KIF6: variants seen among roughly 807,000 people sequenced by gnomAD.
The protein encoded by KIF6 is kinesin-like protein KIF6.
In KIF6, 106 loss-of-function variants were observed where a neutral mutation model predicts 112.7. The ratio of observed to expected loss-of-function variants is 0.94; its 90% CI spans 0.80 to 1.11. KIF6 has a LOEUF of 1.11. Ranked by LOEUF, KIF6 falls within the 50% of genes least tolerant of loss-of-function variation. The pLI, the probability that KIF6 is intolerant of heterozygous loss-of-function variation, is 0.00. For missense variants in KIF6, 929 were observed against 964.0 expected, an observed-to-expected ratio of 0.96 and a Z score of 0.48; for synonymous variants, 339 against 339.9, an observed-to-expected ratio of 1.00 and a Z score of 0.03.
At chr6:39,511,125 C>T (rs749257899) in intron 13 of KIF6, among the ~76,000 whole-genome samples, 1 of 152,132 alleles carries the variant, frequency 6.6e-6, no homozygotes, top group Non-Finnish European at 1.5e-5. Context: ...GAGACTTTAA[C>T]ACCCCACTGT....
In KIF6 at chr6:39,723,587, G is replaced by A. The variant is rs184425985; in HGVS notation, c.66+1658C>T. 4.6e-5 allele frequency among the ~76,000 whole-genome samples: 7 copies of A among 152,218 alleles called. No individual in the cohort carries two copies. In the East Asian group the frequency reaches 7.7e-4, roughly 17 times the overall value. On this transcript the variant is annotated intron_variant, in intron 1 of 22. Coordinates refer to ENST00000287152, the MANE Select transcript of KIF6 (RefSeq NM_145027.6). ...CCATAAAAAAGGATGAGTTCATGTC[G>A]TTTGCAGGGACATGGATGAAGCTGG... is the stretch of plus-strand genomic sequence containing the variant.
Position 39,333,327 on chromosome 6 carries a change from C to A in KIF6, c.*3205G>T, listed in dbSNP as rs1237561917. On this transcript the variant is annotated 3_prime_UTR_variant, in exon 23 of 23. Transcript: ENST00000287152. ...ATGCTATATAACAAACCACTCTAAA[C>A]CTCAGTGGTTTATGACAAGCAGCAT... 2 of 152,212 alleles carry A rather than the reference C, an allele frequency of 1.3e-5. No homozygotes were observed. Among genetic ancestry groups the A allele is most frequent in the Non-Finnish European group, 2.9e-5 (2 of 68,042 alleles). The allele number at this position is 152,212 out of a possible 1,614,324, so 9.4% of individuals were successfully genotyped here.
intron 13 of KIF6, among the ~76,000 whole-genome samples, chr6:39,529,283 C>T (rs1777910728): frequency 6.6e-6 from 1 of 151,988 alleles, no homozygotes; most frequent in South Asian, 2.1e-4. Context: ...AAAGTGTAGG[C>T]AACAAAGGCA....
chr6:39,432,742 C>A (rs1007700908), intron 13 of KIF6, among the ~76,000 whole-genome samples: 2 of 152,204 alleles, frequency 1.3e-5, no homozygotes, highest in African/African-American at 4.8e-5. Flanking sequence ...TAGGAGCCAG[C>A]GGATTCATTC....
intron 4 of KIF6, among the ~76,000 whole-genome samples, chr6:39,635,518 A>G (rs1784580302): frequency 6.6e-6 from 1 of 152,106 alleles, no homozygotes; most frequent in African/African-American, 2.4e-5. Flanking sequence ...GTATGAGTGG[A>G]CATTAATAGT....
chr6:39,611,064 G>A (rs1783187735), intron 6 of KIF6, among the ~76,000 whole-genome samples: 4 of 152,330 alleles, frequency 2.6e-5, no homozygotes, highest in African/African-American at 4.8e-5. Flanking sequence ...TCCAGCATTT[G>A]GGAGGCTGAG....
chr6:39,369,216 T>C (rs1765785612), intron 16 of KIF6, among the ~76,000 whole-genome samples: 1 of 152,202 alleles, frequency 6.6e-6, no homozygotes, highest in Non-Finnish European at 1.5e-5. Flanking sequence ...TACTGTCAGC[T>C]GGAGCCGTCA....
intron 19 of KIF6, among the ~76,000 whole-genome samples, chr6:39,356,118 C>T (rs1764663054): frequency 6.6e-6 from 1 of 151,896 alleles, no homozygotes; most frequent in African/African-American, 2.4e-5. Context: ...CAATTTGAGG[C>T]ATGCTAGTCA....
chr6:39,520,758 G>A (rs1485195062), intron 13 of KIF6, among the ~76,000 whole-genome samples: 3 of 152,204 alleles, frequency 2.0e-5, no homozygotes, highest in Non-Finnish European at 4.4e-5. Context: ...CTTCACATAT[G>A]CACAGTGGAA....
At chr6:39,485,544 G>A (rs1353300154) in intron 13 of KIF6, among the ~76,000 whole-genome samples, 3 of 152,054 alleles carry the variant, frequency 2.0e-5, no homozygotes, top group Admixed American at 2.0e-4. Flanking sequence ...CACATAGTAG[G>A]CCAGGAATCC....
chr6:39,432,410 C>T (rs1030497743), intron 13 of KIF6, among the ~76,000 whole-genome samples: 9 of 152,182 alleles, frequency 5.9e-5, no homozygotes, highest in South Asian at 4.1e-4. Flanking sequence ...CCACATACCA[C>T]GTCTCCTCTT....
At chr6:39,454,285 A>G (rs960139340) in intron 13 of KIF6, among the ~76,000 whole-genome samples, 10 of 152,160 alleles carry the variant, frequency 6.6e-5, no homozygotes, top group African/African-American at 2.4e-4. Flanking sequence ...AAGAAATGGA[A>G]AAGATGAAAG....
chr6:39,534,402 C>T (rs984966677), intron 13 of KIF6, among the ~76,000 whole-genome samples: 9 of 147,950 alleles, frequency 6.1e-5, no homozygotes, highest in African/African-American at 2.3e-4. Flanking sequence ...GGCTCCAGAA[C>T]TACATGAAGA....
At chr6:39,468,361 T>C (rs1773920331) in intron 13 of KIF6, among the ~76,000 whole-genome samples, 1 of 152,160 alleles carries the variant, frequency 6.6e-6, no homozygotes, top group Non-Finnish European at 1.5e-5. Context: ...TATTAGGTTA[T>C]AGATCCAAGA....
intron 10 of KIF6, among the ~76,000 whole-genome samples, chr6:39,566,666 T>A (rs1780296335): frequency 6.6e-6 from 1 of 152,194 alleles, no homozygotes; most frequent in Admixed American, 6.5e-5. Context: ...CAAATGTTAA[T>A]GATGAAAATA....
At chr6:39,406,791 C>A (rs1769118675) in intron 15 of KIF6, among the ~76,000 whole-genome samples, 1 of 152,202 alleles carries the variant, frequency 6.6e-6, no homozygotes, top group Non-Finnish European at 1.5e-5. Flanking sequence ...CTCTCTTACC[C>A]AGGCTGGAAT....
chr6:39,381,997 G>T (rs893234440), intron 16 of KIF6, among the ~76,000 whole-genome samples: 1 of 152,156 alleles, frequency 6.6e-6, no homozygotes, highest in Non-Finnish European at 1.5e-5. Flanking sequence ...CCCAGGAAGT[G>T]TCTGCCCCAG....
In KIF6 at chr6:39,343,971, G is replaced by C. The variant is rs926898315; in HGVS notation, c.2322-156C>G. Among the ~76,000 whole-genome samples the C allele has an allele frequency of 1.3e-5, 2 of 152,162 alleles. No homozygotes were observed. Among genetic ancestry groups the C allele is most frequent in the Middle Eastern group, 3.2e-3 (1 of 316 alleles). The stretch of plus-strand genomic sequence containing the variant: ...TCACTCCCTCCTACCTTCTCTGTGT[G>C]GCAGCCACACTAAGCCTCTTGTCAT... On this transcript the variant is annotated intron_variant, in intron 21 of 22. Transcript: ENST00000287152. The surrounding 1 kb of genome is among the most constrained non-coding windows in gnomAD (Gnocchi z 4.1).
intron 13 of KIF6, among the ~76,000 whole-genome samples, chr6:39,481,196 A>G (rs974223157): frequency 3.9e-5 from 6 of 152,168 alleles, no homozygotes; most frequent in African/African-American, 1.2e-4. Context: ...GGTTGTATAA[A>G]GAAGCTCCAG....
Sources: gnomAD v4.1 joint callset for allele counts (sites outside exome capture counted in the v4.1 genomes callset) on GRCh38, gnomAD v4.1.1 for gene constraint, Gnocchi (gnomAD v3.1) non-coding constraint, MANE v1.5 for transcripts, NCBI Gene and HGNC (gene_info 2026-07-23, HGNC 2026-07-21) for gene names.